The following NRF1 variants were observed in gnomAD, a reference collection of about 807,000 sequenced individuals.
NRF1 encodes the protein nuclear respiratory factor 1.
Under a neutral mutation model 58.5 loss-of-function variants are expected in NRF1, and 5 were observed. The ratio of observed to expected loss-of-function variants is 0.09; its 90% CI spans 0.04 to 0.18. The LOEUF (loss-of-function observed/expected upper bound fraction) is 0.18, where lower values mean the gene tolerates loss of function less well. Ranked by LOEUF, NRF1 falls within the 10% of genes least tolerant of loss-of-function variation. The probability of loss-of-function intolerance (pLI) is 1.00; values close to 1 mark genes in which losing one functional copy is unlikely to be tolerated. For synonymous variants in NRF1, 224 were observed against 246.7 expected (o/e 0.91, Z 0.86); for missense variants, 288 against 657.7 (o/e 0.44, Z 6.15).
intron 9 of NRF1, among the ~76,000 whole-genome samples, chr7:129,718,570 A>C (rs879504168): frequency 2.6e-5 from 4 of 152,230 alleles, no homozygotes; most frequent in African/African-American, 9.6e-5. Context: ...GACTGATTTA[A>C]GTAAAACACT....
At chr7:129,682,985 C>T (rs1802354974) in intron 4 of NRF1, among the ~76,000 whole-genome samples, 1 of 152,020 alleles carries the variant, frequency 6.6e-6, no homozygotes, top group Admixed American at 6.5e-5. Context: ...GGCTGGAGTG[C>T]AGTGGTGCAG....
intron 1 of NRF1, among the ~76,000 whole-genome samples, chr7:129,612,060 C>T (rs1584569460): frequency 6.7e-6 from 1 of 150,058 alleles, no homozygotes; most frequent in Non-Finnish European, 1.5e-5. Context: ...CTGGCGGGCT[C>T]GGGAGGGAGG....
chr7:129,691,713 T>C (rs968788053), intron 5 of NRF1, among the ~76,000 whole-genome samples: 1 of 152,168 alleles, frequency 6.6e-6, no homozygotes, highest in African/African-American at 2.4e-5. Context: ...CAGGTTTTTT[T>C]CCTTATCTTA....
At chr7:129,740,117 G>C (rs984446697) in intron 10 of NRF1, among the ~76,000 whole-genome samples, 1 of 152,132 alleles carries the variant, frequency 6.6e-6, no homozygotes, top group Non-Finnish European at 1.5e-5. Flanking sequence ...ATGACCTCCT[G>C]AAGTCCAAAG....
intron 9 of NRF1, among the ~76,000 whole-genome samples, chr7:129,718,183 C>T (rs575782811): frequency 4.3e-4 from 66 of 152,258 alleles, no homozygotes; most frequent in African/African-American, 1.5e-3. Context: ...TCTCCCTCTT[C>T]TTCATTCCTG....
chr7:129,626,644 T>A (rs1184098419), intron 1 of NRF1, among the ~76,000 whole-genome samples: 1 of 152,258 alleles, frequency 6.6e-6, no homozygotes, highest in African/African-American at 2.4e-5. Context: ...AAGGAGCATT[T>A]AAACTTACCT....
intron 4 of NRF1, among the ~76,000 whole-genome samples, chr7:129,683,115 C>G (rs1027485301): frequency 5.9e-5 from 9 of 151,816 alleles, no homozygotes; most frequent in Admixed American, 3.3e-4. Context: ...GTTGGCCGGG[C>G]TGGTCTTGAA....
At position 129,757,001 on chromosome 7, in the gene NRF1, G is replaced by C. The variant is rs1804276462; in HGVS notation, c.*1820G>C. ...CGAAGAAAAAAGCAAAACCCCAGTA[G>C]CAGAGCATGGATTCTGTGTTGTTTC... On this transcript the variant is annotated 3_prime_UTR_variant, in exon 11 of 11. Transcript: ENST00000393232. 6.6e-6 allele frequency: 1 copy of C among 152,592 alleles called. No individual in the cohort carries two copies. Among genetic ancestry groups the C allele is most frequent in the Non-Finnish European group, 1.5e-5 (1 of 68,036 alleles). The allele number at this position is 152,592 out of a possible 1,614,324, so 9.5% of individuals were successfully genotyped here.
intron 1 of NRF1, among the ~76,000 whole-genome samples, chr7:129,635,287 GT>G (rs1801143474): frequency 6.6e-6 from 1 of 152,178 alleles, no homozygotes; most frequent in African/African-American, 2.4e-5. Context: ...TGTATAAAAT[GT>G]TTTAAGACTA....
At chr7:129,647,699 C>T (rs934827871) in intron 1 of NRF1, among the ~76,000 whole-genome samples, 1 of 152,104 alleles carries the variant, frequency 6.6e-6, no homozygotes, top group Non-Finnish European at 1.5e-5. Flanking sequence ...CAGCCCAAAG[C>T]TTATTTTTCT....
At chr7:129,718,634 C>T (rs1803245084) in intron 9 of NRF1, among the ~76,000 whole-genome samples, 1 of 152,194 alleles carries the variant, frequency 6.6e-6, no homozygotes, top group South Asian at 2.1e-4. Flanking sequence ...ATGGTAAAGA[C>T]TGTGAACGTT....
At chr7:129,681,503 C>A (rs1434882810) in intron 4 of NRF1, among the ~76,000 whole-genome samples, 1 of 151,998 alleles carries the variant, frequency 6.6e-6, no homozygotes, top group African/African-American at 2.4e-5. Context: ...TCAGACAAAG[C>A]CTAATTGTCA....
At chr7:129,718,700 T>G (rs1355005382) in intron 9 of NRF1, among the ~76,000 whole-genome samples, 1 of 152,172 alleles carries the variant, frequency 6.6e-6, no homozygotes, top group Non-Finnish European at 1.5e-5. Flanking sequence ...AGTGAAAGTT[T>G]AGATTGATTA....
intron 9 of NRF1, 69 bp from the exon 10 acceptor site, chr7:129,727,172 G>T: frequency 1.4e-6 from 2 of 1,477,310 alleles, no homozygotes; most frequent in Middle Eastern, 2.1e-4. Flanking sequence ...GGCATTGAAA[G>T]GATGGTTTGT....
At chr7:129,710,250 G>A in intron 6 of NRF1, 124 bp from the exon 7 acceptor site, 2 of 788,804 alleles carry the variant, frequency 2.5e-6, no homozygotes, top group South Asian at 3.2e-5. Flanking sequence ...GTAATCCTAG[G>A]AGAGTCTAAT....
At chr7:129,651,472 G>A (rs989730756) in intron 1 of NRF1, among the ~76,000 whole-genome samples, 4 of 151,630 alleles carry the variant, frequency 2.6e-5, no homozygotes, top group South Asian at 4.2e-4. Flanking sequence ...AGGGAGAGAG[G>A]TGGAAAGAGA....
chr7:129,683,403 A>G (rs1291753145), intron 4 of NRF1, among the ~76,000 whole-genome samples: 1 of 150,714 alleles, frequency 6.6e-6, no homozygotes, highest in Admixed American at 6.6e-5. Flanking sequence ...ATCTCAGCTA[A>G]CTGCAACCTC....
intron 10 of NRF1, among the ~76,000 whole-genome samples, chr7:129,751,621 TAGAAA>T (rs1361787027): frequency 3.3e-5 from 5 of 152,354 alleles, no homozygotes; most frequent in Middle Eastern, 3.4e-3. Context: ...CACAGTTAGT[TAGAAA>T]AGATCTCCCT....
At position 129,709,089 on chromosome 7, in the gene NRF1, A is replaced by C. The variant is rs140130691; in HGVS notation, c.621A>C (p.Ala207=). The C allele has an allele frequency of 6.4e-7, 1 of 1,559,528 alleles. No individual in the cohort carries two copies. Among genetic ancestry groups the C allele is most frequent in the Non-Finnish European group, 8.7e-7 (1 of 1,150,978 alleles). ...VDKMTQAQLR[A]FIPEMLKYST... ...TTCTCTTCCAGGCCCAGCTTCGGGCATTTATCCCAGAGATGCTCAAGTACT... is the reference window on the plus strand; with the variant it reads ...TTCTCTTCCAGGCCCAGCTTCGGGCCTTTATCCCAGAGATGCTCAAGTACT... Residue 207 remains alanine (A), a synonymous_variant, in exon 6 of 11, where the codon GCA becomes GCC. Coordinates refer to ENST00000393232, the MANE Select transcript of NRF1 (RefSeq NM_005011.5).
Sources: gnomAD v4.1 joint callset for allele counts (sites outside exome capture counted in the v4.1 genomes callset) on GRCh38, gnomAD v4.1.1 for gene constraint, MANE v1.5 for transcripts, NCBI Gene and HGNC (gene_info 2026-07-23, HGNC 2026-07-21) for gene names.